Variants in TRHDE observed in about 807,000 individuals in gnomAD.
TRHDE encodes the protein thyrotropin-releasing hormone-degrading ectoenzyme.
In TRHDE, 72 loss-of-function variants were observed where a neutral mutation model predicts 125.7. That is an observed-to-expected ratio of 0.57 (90% CI 0.47 to 0.70). The LOEUF (loss-of-function observed/expected upper bound fraction) is 0.70, where lower values mean the gene tolerates loss of function less well. TRHDE is among the 30% of genes least tolerant of loss of function. TRHDE has a pLI of 0.00. For synonymous variants in TRHDE, 509 were observed against 509.1 expected, an observed-to-expected ratio of 1.00 and a Z score of 0.00; for missense variants, 1,110 against 1,327.1, an observed-to-expected ratio of 0.84 and a Z score of 2.54.
At chr12:72,365,806 C>T (rs142940452) in intron 2 of TRHDE, among the ~76,000 whole-genome samples, 28 of 152,280 alleles carry the variant, frequency 1.8e-4, no homozygotes, top group African/African-American at 6.7e-4. Flanking sequence ...CTTCACACAA[C>T]ACAAACTTAT....
At chr12:72,338,268 A>G (rs990530724) in intron 2 of TRHDE, among the ~76,000 whole-genome samples, 3 of 152,152 alleles carry the variant, frequency 2.0e-5, no homozygotes, top group African/African-American at 7.2e-5. Flanking sequence ...CTAACTAAGG[A>G]CGGTAGTGAT....
intron 12 of TRHDE, among the ~76,000 whole-genome samples, chr12:72,609,573 T>G (rs1354938786): frequency 6.6e-6 from 1 of 152,190 alleles, no homozygotes; most frequent in Non-Finnish European, 1.5e-5. Context: ...ATAAGCATAG[T>G]ACCCAATAGG....
chr12:72,384,621 A>G (rs1372918857), intron 3 of TRHDE, among the ~76,000 whole-genome samples: 1 of 152,162 alleles, frequency 6.6e-6, no homozygotes, highest in African/African-American at 2.4e-5. Flanking sequence ...AGAATTGTAT[A>G]GTAGGAAAGT....
At chr12:72,512,031 A>G (rs1026132957) in intron 6 of TRHDE, among the ~76,000 whole-genome samples, 6 of 152,086 alleles carry the variant, frequency 3.9e-5, no homozygotes, top group Admixed American at 2.0e-4. Flanking sequence ...TGTTGCACAC[A>G]GTTTCTGTCT....
chr12:72,177,221 T>C (rs529857338), intron 2 of TRHDE, among the ~76,000 whole-genome samples: 6 of 152,344 alleles, frequency 3.9e-5, no homozygotes, highest in African/African-American at 1.4e-4. Context: ...CTTATATTTA[T>C]AGTTCTTTCA....
chr12:72,435,677 C>G (rs1436675402), intron 3 of TRHDE, among the ~76,000 whole-genome samples: 4 of 147,500 alleles, frequency 2.7e-5, no homozygotes, highest in Non-Finnish European at 4.5e-5. Flanking sequence ...TTTCTATCCA[C>G]TGTTGCCTTG....
At chr12:72,652,881 A>G in intron 16 of TRHDE, 135 bp from the exon 17 acceptor site, 1 of 526,334 alleles carries the variant, frequency 1.9e-6, no homozygotes. Context: ...TTCTATTTAT[A>G]AGTTTGCATT....
intron 2 of TRHDE, among the ~76,000 whole-genome samples, chr12:72,244,392 A>C (rs1282788517): frequency 6.6e-6 from 1 of 152,144 alleles, no homozygotes; most frequent in Non-Finnish European, 1.5e-5. Flanking sequence ...TAATGGCCTA[A>C]CCATTCTTTT....
chr12:72,518,969 T>C (rs1457756710), intron 6 of TRHDE, among the ~76,000 whole-genome samples: 3 of 152,200 alleles, frequency 2.0e-5, no homozygotes, highest in East Asian at 1.9e-4. Context: ...TGTTGAATAT[T>C]GGCCCCCACT....
chr12:72,637,401 T>C (rs988489380), intron 15 of TRHDE, among the ~76,000 whole-genome samples: 2 of 152,174 alleles, frequency 1.3e-5, no homozygotes, highest in African/African-American at 4.8e-5. Context: ...TCTTTTTTTC[T>C]TTATTAGTCT....
intron 2 of TRHDE, among the ~76,000 whole-genome samples, chr12:72,187,694 C>T (rs10879372): frequency 0.057 from 8,626 of 152,234 alleles, 391 homozygotes; most frequent in African/African-American, 0.12. Flanking sequence ...TTTCTGGAAA[C>T]ACCCTCACAG....
intron 2 of TRHDE, among the ~76,000 whole-genome samples, chr12:72,121,444 T>G (rs1184324727): frequency 6.6e-6 from 1 of 152,164 alleles, no homozygotes; most frequent in Admixed American, 6.6e-5. Context: ...AATTGCTTCC[T>G]CTGTGGGTAC....
At chr12:72,499,708 A>C in intron 6 of TRHDE, 73 bp downstream of exon 6, 2 of 1,538,970 alleles carry the variant, frequency 1.3e-6, no homozygotes, top group Non-Finnish European at 1.8e-6. Flanking sequence ...TGTTAGATGT[A>C]TGTATTTTTC....
intron 12 of TRHDE, among the ~76,000 whole-genome samples, chr12:72,591,128 T>C (rs966773017): frequency 6.6e-6 from 1 of 152,142 alleles, no homozygotes; most frequent in Non-Finnish European, 1.5e-5. Context: ...CCATTAAATC[T>C]TATGAGACTT....
chr12:72,182,289 T>C (rs1282180191), intron 2 of TRHDE, among the ~76,000 whole-genome samples: 1 of 152,192 alleles, frequency 6.6e-6, no homozygotes, highest in Non-Finnish European at 1.5e-5. Flanking sequence ...TGATTTAAAC[T>C]GAACCAGTTA....
intron 3 of TRHDE, among the ~76,000 whole-genome samples, chr12:72,430,142 C>G (rs1874380056): frequency 6.7e-6 from 1 of 150,286 alleles, no homozygotes; most frequent in South Asian, 2.1e-4. Flanking sequence ...ATGTTTATGT[C>G]TATAATCCAT....
intron 1 of TRHDE, among the ~76,000 whole-genome samples, chr12:72,095,362 C>T (rs185775997): frequency 1.7e-4 from 26 of 152,232 alleles, no homozygotes; most frequent in African/African-American, 3.1e-4. Flanking sequence ...TAAATATAGA[C>T]TGTAGAGATC....
intron 2 of TRHDE, among the ~76,000 whole-genome samples, chr12:72,118,017 A>G (rs569368219): frequency 6.6e-6 from 1 of 151,976 alleles, no homozygotes; most frequent in South Asian, 2.1e-4. Context: ...TCATCTGTAA[A>G]CGAGGATAAT....
intron 2 of TRHDE, among the ~76,000 whole-genome samples, chr12:72,291,570 A>G (rs1385883557): frequency 1.3e-5 from 2 of 152,224 alleles, no homozygotes; most frequent in Admixed American, 6.5e-5. Flanking sequence ...TTCTACATCC[A>G]TGGATTCAGC....
Sources: allele counts gnomAD v4.1 joint callset (sites outside exome capture counted in the v4.1 genomes callset), GRCh38; gene constraint gnomAD v4.1.1; transcripts MANE v1.5; gene names NCBI Gene and HGNC (gene_info 2026-07-23, HGNC 2026-07-21).